Variants in KCNH4 observed in about 807,000 individuals in gnomAD.
KCNH4 encodes potassium voltage-gated channel subfamily H member 4.
KCNH4 carries 33 observed loss-of-function variants against 90.7 expected under a neutral mutation model. That is an observed-to-expected ratio of 0.36 (90% CI 0.28 to 0.49). KCNH4 has a LOEUF of 0.49. KCNH4 is among the 20% of genes least tolerant of loss of function. The pLI is 0.98. For synonymous variants in KCNH4, 551 were observed against 581.7 expected, an observed-to-expected ratio of 0.95 and a Z score of 0.76; for missense variants, 1,044 against 1,387.1, an observed-to-expected ratio of 0.75 and a Z score of 3.93.
In KCNH4 at chr17:42,162,316, T is replaced by G. The variant is rs986960936; in HGVS notation, c.2590A>C (p.Arg864=). Residue 864 remains arginine (R), a synonymous_variant, in exon 15 of 17, where the codon AGG becomes CGG. Transcript: ENST00000264661. ...PRSQAPPTGT[R]PSPELASEAE... ...TCACTGGCCAATTCTGGGCTGGGCCTGGTCCCTGCAGGGTGAAGGGATGCA... is the reference window on the plus strand; with the variant it reads ...TCACTGGCCAATTCTGGGCTGGGCCGGGTCCCTGCAGGGTGAAGGGATGCA... The G allele has an allele frequency of 1.2e-6, 2 of 1,613,942 alleles. No homozygotes were observed. Among genetic ancestry groups the G allele is most frequent in the Non-Finnish European group, 8.5e-7 (1 of 1,179,888 alleles).
At chr17:42,167,772 C>G (rs554947022) in intron 9 of KCNH4, among the ~76,000 whole-genome samples, 2 of 152,344 alleles carry the variant, frequency 1.3e-5, no homozygotes, top group African/African-American at 4.8e-5. Flanking sequence ...GAGATTACCA[C>G]GTCCCACAGA....
In KCNH4 at chr17:42,163,527, G is replaced by T. The variant is rs747055555; in HGVS notation, c.2477+79C>A. ...CAGAGACGGAATGTAGCACTGTTTG[G>T]AACGCCAGGGATAGAGCCCAGAGAA... On this transcript the variant is annotated intron_variant, in intron 13 of 16. Transcript: ENST00000264661. The surrounding 1 kb of genome is among the most constrained non-coding windows in gnomAD (Gnocchi z 5.4). The T allele has an allele frequency of 5.1e-6, 4 of 787,444 alleles. No individual in the cohort carries two copies. Among genetic ancestry groups the T allele is most frequent in the Non-Finnish European group, 8.2e-6 (4 of 486,660 alleles). 48.8% of individuals were successfully genotyped at this position (787,444 alleles called of 1,614,324 possible).
Position 42,157,136 on chromosome 17 carries a change from C to G in KCNH4, c.*310-18G>C, listed in dbSNP as rs2079715396. On this transcript the variant is annotated intron_variant, in intron 16 of 16. Transcript: ENST00000264661. Reference sequence around the variant, plus strand: ...GAGACAGCCTGCAGAGAGACAGAAACAGAGATGTTGACAGACCCACGCCTA... The same window carrying G: ...GAGACAGCCTGCAGAGAGACAGAAAGAGAGATGTTGACAGACCCACGCCTA... 1.3e-5 allele frequency: 2 copies of G among 152,206 alleles called. No individual in the cohort carries two copies. The highest frequency in any genetic ancestry group is 2.9e-5 in the Non-Finnish European group (2 of 68,064). The allele number at this position is 152,206 out of a possible 1,614,324, so 9.4% of individuals were successfully genotyped here.
Position 42,180,046 on chromosome 17 carries a change from C to T in KCNH4, c.76+824G>A, listed in dbSNP as rs958240199. ...AGGCACTGGGCTCTGGGCACAGCCTCCTTCTTCCATCCCAGGGCCTGTTGC... is the reference window on the plus strand; with the variant it reads ...AGGCACTGGGCTCTGGGCACAGCCTTCTTCTTCCATCCCAGGGCCTGTTGC... On this transcript the variant is annotated intron_variant, in intron 1 of 16. Coordinates refer to ENST00000264661, the MANE Select transcript of KCNH4 (RefSeq NM_012285.3). The surrounding 1 kb of genome is among the most constrained non-coding windows in gnomAD (Gnocchi z 4.7). 1.3e-5 allele frequency among the ~76,000 whole-genome samples: 2 copies of T among 152,230 alleles called. No individual in the cohort carries two copies. Among genetic ancestry groups the T allele is most frequent in the Admixed American group, 6.5e-5 (1 of 15,286 alleles).
chr17:42,162,631 T>C (rs1313323828), intron 14 of KCNH4, among the ~76,000 whole-genome samples: 1 of 151,968 alleles, frequency 6.6e-6, no homozygotes, highest in Non-Finnish European at 1.5e-5. Flanking sequence ...CTCACTCTGT[T>C]GCCCAGGGTG....
At chr17:42,165,195 G>T (rs1386068210) in intron 11 of KCNH4, among the ~76,000 whole-genome samples, 1 of 152,178 alleles carries the variant, frequency 6.6e-6, no homozygotes, top group Non-Finnish European at 1.5e-5. Context: ...GGGCTGAGGG[G>T]TGGTCAGCAG....
chr17:42,180,564 C>G lies in KCNH4; in HGVS notation c.76+306G>C, dbSNP rs1324665120. Among the ~76,000 whole-genome samples, 3 of 152,098 alleles carry G rather than the reference C, an allele frequency of 2.0e-5. No homozygotes were observed. Among genetic ancestry groups the G allele is most frequent in the African/African-American group, 4.8e-5 (2 of 41,408 alleles). Reference sequence around the variant, plus strand: ...GTCTCGGATACCCCCATACACGCCCCCAGCACAGCTCTGCCCGAGAGTGGG... The same window carrying G: ...GTCTCGGATACCCCCATACACGCCCGCAGCACAGCTCTGCCCGAGAGTGGG... On this transcript the variant is annotated intron_variant, in intron 1 of 16. Coordinates refer to ENST00000264661, the MANE Select transcript of KCNH4 (RefSeq NM_012285.3). This position sits in a 1 kb window ranked among gnomAD's most constrained non-coding sequence, Gnocchi z 4.7.
intron 1 of KCNH4, 137 bp from the exon 2 acceptor site, chr17:42,179,163 A>G: frequency 3.2e-6 from 2 of 627,648 alleles, no homozygotes; most frequent in South Asian, 3.9e-5. Context: ...TCCTGACCCC[A>G]CTTTGGGATA....
chr17:42,164,073 T>C, intron 12 of KCNH4, 57 bp downstream of exon 12: 2 of 1,533,830 alleles, frequency 1.3e-6, no homozygotes, highest in Non-Finnish European at 1.8e-6. Flanking sequence ...GGGATGCTGC[T>C]ACCCATCTCA....
chr17:42,173,743 C>G (rs1289494900), intron 6 of KCNH4, among the ~76,000 whole-genome samples: 1 of 144,498 alleles, frequency 6.9e-6, no homozygotes, highest in Non-Finnish European at 1.5e-5. Flanking sequence ...CCCTGTCGCC[C>G]AGGCTGGAGT....
At chr17:42,158,471 C>T (rs1377157367) in intron 16 of KCNH4, among the ~76,000 whole-genome samples, 92 of 131,876 alleles carry the variant, frequency 7.0e-4, no homozygotes, top group Middle Eastern at 5.6e-3. Flanking sequence ...GCGGAGTTTG[C>T]AGTGAGCCGA....
chr17:42,170,592 C>G (rs984724438), intron 7 of KCNH4, among the ~76,000 whole-genome samples: 9 of 152,234 alleles, frequency 5.9e-5, no homozygotes, highest in East Asian at 1.9e-4. Flanking sequence ...CAAACACTCT[C>G]CCTGCCCTGG....
At position 42,178,093 on chromosome 17, in the gene KCNH4, G is replaced by C; in HGVS notation, c.585+7C>G. 6.2e-7 allele frequency: 1 copy of C among 1,612,744 alleles called. No homozygotes were observed. Among genetic ancestry groups the C allele is most frequent in the Admixed American group, 1.7e-5 (1 of 59,862 alleles). On this transcript the variant is annotated splice_region_variant and intron_variant, in intron 4 of 16. Coordinates refer to ENST00000264661, the MANE Select transcript of KCNH4 (RefSeq NM_012285.3). ...TTGGGAGATGTTGGGTTGGGGGTGG[G>C]ACTCACATTATTGGCCTTCATGCCT...
chr17:42,157,880 T>C (rs114043160), intron 16 of KCNH4, among the ~76,000 whole-genome samples: 2,030 of 152,018 alleles, frequency 0.013, 43 homozygotes, highest in African/African-American at 0.046. Context: ...GCTTCTGGAG[T>C]AGCTGGAACC....
intron 9 of KCNH4, among the ~76,000 whole-genome samples, chr17:42,168,277 C>T (rs1397557442): frequency 2.0e-5 from 3 of 152,204 alleles, no homozygotes; most frequent in African/African-American, 7.2e-5. Flanking sequence ...AGCAGGCACT[C>T]AGGAAATGTT....
At chr17:42,158,388 G>A (rs1412974521) in intron 16 of KCNH4, among the ~76,000 whole-genome samples, 7 of 149,564 alleles carry the variant, frequency 4.7e-5, no homozygotes, top group Non-Finnish European at 1.0e-4. Flanking sequence ...AAAATTAGCT[G>A]GGCGTGGTGG....
At chr17:42,175,475 A>T in intron 6 of KCNH4, 104 bp downstream of exon 6, 1 of 1,273,022 alleles carries the variant, frequency 7.9e-7, no homozygotes, top group South Asian at 1.3e-5. Context: ...CTGCAGATGG[A>T]TTGATGGGAA....
chr17:42,163,149 G>T lies in KCNH4; in HGVS notation c.2584+79C>A. On this transcript the variant is annotated intron_variant, in intron 14 of 16. Coordinates refer to ENST00000264661, the MANE Select transcript of KCNH4 (RefSeq NM_012285.3). The surrounding 1 kb of genome is among the most constrained non-coding windows in gnomAD (Gnocchi z 5.4). ...CAGGATGGCACCTGGCACATGGTAG[G>T]CCCCTACTACATATGGGATGGATGG... The T allele has an allele frequency of 2.1e-6, 2 of 965,840 alleles. No homozygotes were observed. The highest frequency in any genetic ancestry group is 3.4e-6 in the Non-Finnish European group (2 of 595,906). The allele number at this position is 965,840 out of a possible 1,614,324, so 59.8% of individuals were successfully genotyped here.
chr17:42,174,589 G>T (rs768620790), intron 6 of KCNH4, among the ~76,000 whole-genome samples: 1 of 152,092 alleles, frequency 6.6e-6, no homozygotes, highest in Non-Finnish European at 1.5e-5. Context: ...AGTTAAATTC[G>T]GCTGCGTGTA....
Sources: gnomAD v4.1 joint callset for allele counts (sites outside exome capture counted in the v4.1 genomes callset) on GRCh38, gnomAD v4.1.1 for gene constraint, Gnocchi (gnomAD v3.1) non-coding constraint, MANE v1.5 for transcripts, NCBI Gene and HGNC (gene_info 2026-07-23, HGNC 2026-07-21) for gene names.